The following MPZL1 variants were observed in gnomAD, a reference collection of about 807,000 sequenced individuals.
The protein encoded by MPZL1 is myelin protein zero like 1, also known as myelin protein zero-like protein 1.
In MPZL1, 16 loss-of-function variants were observed where a neutral mutation model predicts 29.3. The observed-to-expected ratio is 0.55, with a 90% CI of 0.37 to 0.83. MPZL1 has a LOEUF of 0.83. Ranked by LOEUF, MPZL1 falls within the 40% of genes least tolerant of loss-of-function variation. The pLI is 0.00. For missense variants in MPZL1, 279 were observed against 332.9 expected, an observed-to-expected ratio of 0.84 and a Z score of 1.26; for synonymous variants, 143 against 132.0, an observed-to-expected ratio of 1.08 and a Z score of -0.57.
At chr1:167,735,237 G>A (rs374481405) in intron 1 of MPZL1, among the ~76,000 whole-genome samples, 2 of 152,128 alleles carry the variant, frequency 1.3e-5, no homozygotes, top group East Asian at 3.9e-4. Context: ...AGTATATGTG[G>A]TCACCCAGAA....
At chr1:167,780,906 C>T (rs1459510462) in intron 5 of MPZL1, among the ~76,000 whole-genome samples, 2 of 152,048 alleles carry the variant, frequency 1.3e-5, no homozygotes, top group African/African-American at 4.8e-5. Flanking sequence ...ATTTTTTAAA[C>T]AGTAAAAGGA....
At chr1:167,737,995 G>A (rs546723959) in intron 1 of MPZL1, among the ~76,000 whole-genome samples, 2 of 151,998 alleles carry the variant, frequency 1.3e-5, no homozygotes, top group Non-Finnish European at 2.9e-5. Flanking sequence ...GCGCAATCTC[G>A]GCTCGCTGCA....
Position 167,741,411 on chromosome 1 carries a change from C to T in MPZL1, c.91+19169C>T, listed in dbSNP as rs184327897. ...CATGATCTCAGCTCACTGCAACCTC[C>T]GCCTCCCAGATTCCAGCAATTCTTG... On this transcript the variant is annotated intron_variant, in intron 1 of 5. Transcript: ENST00000359523. Among the ~76,000 whole-genome samples, 43 of 148,038 alleles carry T rather than the reference C, an allele frequency of 2.9e-4. No homozygotes were observed. In the East Asian group the frequency reaches 7.8e-3, roughly 27 times the overall value.
At chr1:167,731,731 C>T (rs1043000910) in intron 1 of MPZL1, among the ~76,000 whole-genome samples, 2 of 151,590 alleles carry the variant, frequency 1.3e-5, no homozygotes, top group Non-Finnish European at 2.9e-5. Flanking sequence ...AGCCACCGCA[C>T]CCAGCCTAAA....
chr1:167,748,867 C>T (rs1457477649), intron 1 of MPZL1, among the ~76,000 whole-genome samples: 2 of 152,090 alleles, frequency 1.3e-5, no homozygotes, highest in African/African-American at 2.4e-5. Context: ...CACTAAAGAA[C>T]TTCCTCAGTT....
chr1:167,759,333 T>A (rs906265759), intron 1 of MPZL1, among the ~76,000 whole-genome samples: 1 of 152,206 alleles, frequency 6.6e-6, no homozygotes, highest in African/African-American at 2.4e-5. Context: ...GGATGAGCTA[T>A]CTGAATTCAA....
At chr1:167,752,938 G>T (rs1397771778) in intron 1 of MPZL1, among the ~76,000 whole-genome samples, 4 of 152,240 alleles carry the variant, frequency 2.6e-5, no homozygotes, top group Non-Finnish European at 5.9e-5. Flanking sequence ...AGTGTAGTAG[G>T]TGCTAGGCAC....
At chr1:167,724,405 G>A (rs912471918) in intron 1 of MPZL1, among the ~76,000 whole-genome samples, 1 of 152,196 alleles carries the variant, frequency 6.6e-6, no homozygotes, top group African/African-American at 2.4e-5. Flanking sequence ...GGGTTAGAGT[G>A]GGGTGAGGCT....
rs1156703594 is a variant in MPZL1, at chr1:167,765,486, C to G, written c.92-97C>G. The stretch of plus-strand genomic sequence containing the variant: ...AATGGCAGTGAATTACTGTATATAT[C>G]TAGTAACTTTGCTGTATCTTTTCTT... On this transcript the variant is annotated intron_variant, in intron 1 of 5. Transcript: ENST00000359523. 8 of 992,474 alleles carry G rather than the reference C, an allele frequency of 8.1e-6. No individual in the cohort carries two copies. The Middle Eastern group carries it at 6.7e-4, about 83-fold the overall frequency. The allele number at this position is 992,474 out of a possible 1,614,324, so 61.5% of individuals were successfully genotyped here. A position where few individuals can be genotyped will look rare whatever the true frequency, so the allele number is the denominator to read the frequency against.
intron 1 of MPZL1, among the ~76,000 whole-genome samples, chr1:167,735,569 A>G (rs973251198): frequency 1.3e-5 from 2 of 152,172 alleles, no homozygotes; most frequent in Middle Eastern, 3.4e-3. Flanking sequence ...GCTGGCATAG[A>G]TAGATAGATA....
At chr1:167,782,849 T>TA (rs763833819) in intron 5 of MPZL1, among the ~76,000 whole-genome samples, 5 of 152,064 alleles carry the variant, frequency 3.3e-5, no homozygotes, top group Non-Finnish European at 7.4e-5. Context: ...AGCCAAGAAA[T>TA]ACAGGCAGCT....
intron 2 of MPZL1, among the ~76,000 whole-genome samples, chr1:167,770,334 A>G (rs1384911836): frequency 6.6e-6 from 1 of 152,248 alleles, no homozygotes; most frequent in Non-Finnish European, 1.5e-5. Flanking sequence ...TGCTTGGATT[A>G]GAGCCAAGTG....
At chr1:167,776,210 G>C in intron 5 of MPZL1, 44 bp downstream of exon 5, 2 of 1,429,520 alleles carry the variant, frequency 1.4e-6, no homozygotes, top group Non-Finnish European at 2.0e-6. Context: ...GTTCCCTACA[G>C]CTTGGTGCTC....
intron 2 of MPZL1, 45 bp from the exon 3 acceptor site, chr1:167,772,230 T>C (rs377119175): frequency 6.8e-4 from 1,002 of 1,483,888 alleles, no homozygotes; most frequent in Non-Finnish European, 8.9e-4. Context: ...GTTTAGGAAT[T>C]CTGCCTTTGA....
At chr1:167,735,586 C>T (rs1349342421) in intron 1 of MPZL1, among the ~76,000 whole-genome samples, 4 of 152,148 alleles carry the variant, frequency 2.6e-5, no homozygotes, top group Non-Finnish European at 5.9e-5. Context: ...GATAGGAATT[C>T]GCTCATATGA....
At chr1:167,780,929 G>A (rs540385188) in intron 5 of MPZL1, among the ~76,000 whole-genome samples, 73 of 152,206 alleles carry the variant, frequency 4.8e-4, no homozygotes, top group African/African-American at 1.6e-3. Flanking sequence ...GAAATGATAT[G>A]CTACATTAAC....
chr1:167,766,827 C>T lies in MPZL1; in HGVS notation c.258+1078C>T, dbSNP rs115861074. On this transcript the variant is annotated intron_variant, in intron 2 of 5. Transcript: ENST00000359523. Reference sequence around the variant, plus strand: ...GGTTAGAATTGTTTAAACTTCAATACGGTATGATTTCCCTTATGTATTATT... The same window carrying T: ...GGTTAGAATTGTTTAAACTTCAATATGGTATGATTTCCCTTATGTATTATT... Among the ~76,000 whole-genome samples the T allele has an allele frequency of 8.8e-3, 1,338 of 152,240 alleles. 6 individuals are homozygous for T. Among genetic ancestry groups the T allele is most frequent in the Middle Eastern group, 0.024 (7 of 294 alleles).
intron 1 of MPZL1, among the ~76,000 whole-genome samples, chr1:167,737,616 G>A (rs999541635): frequency 6.6e-6 from 1 of 152,210 alleles, no homozygotes; most frequent in African/African-American, 2.4e-5. Context: ...AAGCCCAGTA[G>A]ATGTTTATTG....
chr1:167,786,073 G>T (rs1265256169), intron 5 of MPZL1, among the ~76,000 whole-genome samples: 1 of 152,236 alleles, frequency 6.6e-6, no homozygotes, highest in Non-Finnish European at 1.5e-5. Flanking sequence ...GATTACAGGC[G>T]TGAGCCACCA....
Sources: allele counts gnomAD v4.1 joint callset (sites outside exome capture counted in the v4.1 genomes callset), GRCh38; gene constraint gnomAD v4.1.1; transcripts MANE v1.5; gene names NCBI Gene and HGNC (gene_info 2026-07-23, HGNC 2026-07-21).